The following DMXL2 variants were observed in gnomAD, a reference collection of about 807,000 sequenced individuals.
The protein encoded by DMXL2 is Dmx like 2, also known as dmX-like protein 2.
In DMXL2, 103 loss-of-function variants were observed where a neutral mutation model predicts 331.1. The ratio of observed to expected loss-of-function variants is 0.31; its 90% CI spans 0.27 to 0.37. DMXL2 has a LOEUF of 0.37. DMXL2 is among the 10% of genes least tolerant of loss of function. The pLI is 1.00. For missense variants in DMXL2, 3,171 were observed against 3,642.9 expected (o/e 0.87, Z 3.33); for synonymous variants, 1,281 against 1,252.1 (o/e 1.02, Z -0.49).
intron 6 of DMXL2, among the ~76,000 whole-genome samples, chr15:51,553,750 A>G (rs1389105996): frequency 4.6e-5 from 7 of 151,836 alleles, no homozygotes; most frequent in Admixed American, 3.3e-4. Context: ...TCTCTTCCTT[A>G]AAAGAGTATA....
At chr15:51,471,094 A>T in intron 29 of DMXL2, 129 bp downstream of exon 29, 1 of 817,926 alleles carries the variant, frequency 1.2e-6, no homozygotes. Flanking sequence ...TGGACTTAAT[A>T]AATTAAACGT....
At position 51,564,114 on chromosome 15, in the gene DMXL2, T is replaced by C. The variant is rs762466284; in HGVS notation, c.500+11A>G. The C allele has an allele frequency of 5.0e-6, 8 of 1,585,212 alleles. No homozygotes were observed. Among genetic ancestry groups the C allele is most frequent in the African/African-American group, 2.7e-5 (2 of 72,898 alleles). ...TAATTAATGAATATAACAATAGAAATAGACACTAACTTGCACTGCCAGACA... is the reference window on the plus strand; with the variant it reads ...TAATTAATGAATATAACAATAGAAACAGACACTAACTTGCACTGCCAGACA... On this transcript the variant is annotated intron_variant, in intron 5 of 43. Transcript: ENST00000560891.
intron 24 of DMXL2, 22 bp from the exon 25 acceptor site, chr15:51,480,161 T>G: frequency 6.7e-7 from 1 of 1,490,026 alleles, no homozygotes; most frequent in Non-Finnish European, 9.0e-7. Context: ...AGTGAATTAT[T>G]TTTTTCAAAG....
chr15:51,564,665 T>C (rs2050161743), intron 4 of DMXL2, among the ~76,000 whole-genome samples: 1 of 152,130 alleles, frequency 6.6e-6, no homozygotes, highest in Non-Finnish European at 1.5e-5. Flanking sequence ...AGAATCCTTA[T>C]TAATTGTGAA....
In DMXL2 at chr15:51,481,640, G is replaced by A; in HGVS notation, c.5483-17C>T. On this transcript the variant is annotated splice_polypyrimidine_tract_variant and intron_variant, in intron 23 of 43. Transcript: ENST00000560891. ...TGATGATAACTATAGAAATCAAACAGATAAAATCACAAAGCATTGTGTTAA... is the reference window on the plus strand; with the variant it reads ...TGATGATAACTATAGAAATCAAACAAATAAAATCACAAAGCATTGTGTTAA... 2 of 1,511,690 alleles carry A rather than the reference G, an allele frequency of 1.3e-6. No homozygotes were observed. The highest frequency in any genetic ancestry group is 1.8e-6 in the Non-Finnish European group (2 of 1,130,608). 93.6% of individuals were successfully genotyped at this position (1,511,690 alleles called of 1,614,324 possible). A position where few individuals can be genotyped will look rare whatever the true frequency, so the allele number is the denominator to read the frequency against.
intron 1 of DMXL2, among the ~76,000 whole-genome samples, chr15:51,595,090 G>C (rs1345674906): frequency 6.6e-6 from 1 of 152,190 alleles, no homozygotes; most frequent in Non-Finnish European, 1.5e-5. Flanking sequence ...GCAGGAGAAG[G>C]AAATAAAGGG....
intron 1 of DMXL2, among the ~76,000 whole-genome samples, chr15:51,582,160 T>C (rs751347714): frequency 1.3e-5 from 2 of 152,132 alleles, no homozygotes; most frequent in Non-Finnish European, 2.9e-5. Context: ...CATTCTATAT[T>C]CCTAATCTTT....
At chr15:51,470,725 T>A (rs1045585451) in intron 29 of DMXL2, among the ~76,000 whole-genome samples, 2 of 152,170 alleles carry the variant, frequency 1.3e-5, no homozygotes, top group Non-Finnish European at 2.9e-5. Flanking sequence ...GCACCCAGCA[T>A]GGTATGAAAT....
Position 51,458,730 on chromosome 15 carries a change from G to T in DMXL2, c.8055C>A (p.Ile2685=), listed in dbSNP as rs1440351104. 1.9e-6 allele frequency: 3 copies of T among 1,613,884 alleles called. No homozygotes were observed. The highest frequency in any genetic ancestry group is 1.1e-5 in the South Asian group (1 of 91,062). Residue 2685 remains isoleucine, a synonymous_variant, in exon 35 of 44, where the codon ATC becomes ATA. Coordinates refer to ENST00000560891, the MANE Select transcript of DMXL2 (RefSeq NM_001378457.1). ...TTACCTTATTAACAGAAAATGCCAT[G>T]ATCATATCAGATTCCTTATGGATGA... ...AKVIHKESDM[I]MAFSVNKANC...
Position 51,458,535 on chromosome 15 carries a change from G to A in DMXL2, c.8169C>T (p.Ile2723=), listed in dbSNP as rs79159118. ...TGGATTCTCTGTCATATTCTTCTCCGATCCATATGTATGACTGACAGGCCA... is the reference window on the plus strand; with the variant it reads ...TGGATTCTCTGTCATATTCTTCTCCAATCCATATGTATGACTGACAGGCCA... ...SLLACQSYIW[I]GEEYDRESKS... is the part of the protein sequence containing the mutation. Residue 2723 remains isoleucine (I), a synonymous_variant, in exon 36 of 44, where the codon ATC becomes ATT. Transcript: ENST00000560891. The A allele has an allele frequency of 3.9e-4, 625 of 1,613,726 alleles. 3 individuals carry two copies. In the African/African-American group the frequency reaches 6.8e-3, roughly 18 times the overall value.
At chr15:51,490,566 T>A (rs898158790) in intron 20 of DMXL2, among the ~76,000 whole-genome samples, 4 of 152,208 alleles carry the variant, frequency 2.6e-5, no homozygotes, top group African/African-American at 9.6e-5. Context: ...AAATCTAACA[T>A]TTATAAATGA....
chr15:51,476,565 T>A (rs760667284), intron 27 of DMXL2, 24 bp downstream of exon 27: 1 of 1,592,058 alleles, frequency 6.3e-7, no homozygotes, highest in Non-Finnish European at 8.5e-7. Context: ...AAGATTTTTT[T>A]TTTTTAATCA....
At chr15:51,612,110 A>G (rs1049461697) in intron 1 of DMXL2, among the ~76,000 whole-genome samples, 1 of 152,202 alleles carries the variant, frequency 6.6e-6, no homozygotes, top group African/African-American at 2.4e-5. Context: ...AAGACCACGA[A>G]CCCACTGGCA....
chr15:51,520,990 T>A (rs2047327743), intron 13 of DMXL2, among the ~76,000 whole-genome samples: 1 of 152,236 alleles, frequency 6.6e-6, no homozygotes, highest in South Asian at 2.1e-4. Flanking sequence ...TGACCATGCC[T>A]AATTAGTGAT....
At position 51,543,876 on chromosome 15, in the gene DMXL2, A is replaced by G. The variant is rs1426932074; in HGVS notation, c.931-1369T>C. 7.2e-5 allele frequency among the ~76,000 whole-genome samples: 11 copies of G among 152,294 alleles called. No homozygotes were observed. In the South Asian group the frequency reaches 1.5e-3, roughly 20 times the overall value. On this transcript the variant is annotated intron_variant, in intron 8 of 43. Coordinates refer to ENST00000560891, the MANE Select transcript of DMXL2 (RefSeq NM_001378457.1). ...ATTTAACAAACACTTGAAAAGCAAT[A>G]TATCAGGTACCATGGAGGATACAAA...
At chr15:51,618,351 C>T (rs1022596476) in intron 1 of DMXL2, among the ~76,000 whole-genome samples, 1 of 150,768 alleles carries the variant, frequency 6.6e-6, no homozygotes, top group Non-Finnish European at 1.5e-5. Flanking sequence ...GCTTAGCACA[C>T]CTATGTGTTC....
chr15:51,463,491 C>T lies in DMXL2; in HGVS notation c.7814G>A (p.Arg2605Gln), dbSNP rs763781688. The change falls in exon 33 of 44, where the codon CGG becomes CAG. Residue 2605 changes from arginine (R) to glutamine (Q), a missense_variant. Arg to Gln is a conservative substitution (Grantham distance 43). Coordinates refer to ENST00000560891, the MANE Select transcript of DMXL2 (RefSeq NM_001378457.1). ...LEPENTPFKS[R>Q]DSSAFPVKRL... is the part of the protein sequence containing the mutation. The stretch of plus-strand genomic sequence containing the variant: ...TTTGACTGGAAATGCAGAAGAATCC[C>T]GGGACCTATTAAAAAAAATTAACAT... 1.0e-5 allele frequency: 16 copies of T among 1,567,434 alleles called. No individual in the cohort carries two copies. The Admixed American group carries it at 2.3e-4, about 22-fold the overall frequency.
At chr15:51,607,326 G>T (rs895920254) in intron 1 of DMXL2, among the ~76,000 whole-genome samples, 1 of 152,072 alleles carries the variant, frequency 6.6e-6, no homozygotes, top group Non-Finnish European at 1.5e-5. Context: ...CACGGTGGCA[G>T]GTGCCTGTAG....
intron 12 of DMXL2, 139 bp from the exon 13 acceptor site, chr15:51,535,923 T>A: frequency 9.6e-7 from 1 of 1,045,420 alleles, no homozygotes; most frequent in Admixed American, 3.0e-5. Context: ...GCACAATAAG[T>A]AGATACAAAA....
Sources: allele counts gnomAD v4.1 joint callset (sites outside exome capture counted in the v4.1 genomes callset), GRCh38; gene constraint gnomAD v4.1.1; transcripts MANE v1.5; gene names NCBI Gene and HGNC (gene_info 2026-07-23, HGNC 2026-07-21).